AGBL3: variants seen among roughly 807,000 people sequenced by gnomAD.
AGBL3 encodes the protein AGBL carboxypeptidase 3, also known as cytosolic carboxypeptidase 3.
AGBL3 carries 68 observed loss-of-function variants against 94.5 expected under a neutral mutation model. The ratio of observed to expected loss-of-function variants is 0.72; its 90% CI spans 0.59 to 0.88. The LOEUF (loss-of-function observed/expected upper bound fraction) is 0.88. AGBL3 is among the 40% of genes least tolerant of loss of function. The pLI, the probability that AGBL3 is intolerant of heterozygous loss-of-function variation, is 0.00. For missense variants in AGBL3, 934 were observed against 1,103.8 expected, an observed-to-expected ratio of 0.85 and a Z score of 2.18; for synonymous variants, 354 against 370.7, an observed-to-expected ratio of 0.95 and a Z score of 0.52.
At position 134,987,969 on chromosome 7, in the gene AGBL3, C is replaced by G; in HGVS notation, c.36C>G (p.Asp12Glu). 6.5e-7 allele frequency: 1 copy of G among 1,546,562 alleles called. No individual in the cohort carries two copies. Among genetic ancestry groups the G allele is most frequent in the African/African-American group, 1.4e-5 (1 of 72,960 alleles). The part of the protein sequence containing the change: ...SEDSEKEDYS[D>E]RTISDEDESD... ...ATTCAGAAAAGGAAGACTATTCAGA[C>G]AGAACAATCAGTGATGAAGATGAAT... Residue 12 changes from aspartate (D) to glutamate (E), a missense_variant, in exon 2 of 17, where the codon GAC becomes GAG. By Grantham distance (45) the Asp-to-Glu change is conservative. Around this residue, in one of 3 missense-constraint regions of AGBL3, gnomAD observed 488 missense variants for 563.6 expected, o/e 0.87. Coordinates refer to ENST00000436302, the MANE Select transcript of AGBL3 (RefSeq NM_178563.4).
In AGBL3 at chr7:135,034,554, G is replaced by C; in HGVS notation, c.963G>C (p.Lys321Asn). ...SGINNDPVRS[K>N]FCKIRVLCHT... ...TCAATAATGATCCAGTACGGTCAAA[G>C]TTTTGTAAAATACGTGTTTTGTGCC... The change falls in exon 7 of 17, where the codon AAG becomes AAC. Residue 321 changes from lysine (K) to asparagine (N), a missense_variant. Lys to Asn is a moderately conservative substitution (Grantham distance 94). Coordinates refer to ENST00000436302, the MANE Select transcript of AGBL3 (RefSeq NM_178563.4). 6.4e-7 allele frequency: 1 copy of C among 1,551,880 alleles called. No individual in the cohort carries two copies. Among genetic ancestry groups the C allele is most frequent in the Non-Finnish European group, 8.7e-7 (1 of 1,147,014 alleles).
At chr7:135,008,522 A>G (rs1299616011) in intron 4 of AGBL3, among the ~76,000 whole-genome samples, 1 of 152,184 alleles carries the variant, frequency 6.6e-6, no homozygotes, top group Non-Finnish European at 1.5e-5. Flanking sequence ...AGCCTGAACT[A>G]TAAAACCCTT....
intron 8 of AGBL3, among the ~76,000 whole-genome samples, chr7:135,042,732 AG>A (rs1162664545): frequency 1.3e-5 from 2 of 152,150 alleles, no homozygotes; most frequent in Admixed American, 6.6e-5. Context: ...CAACATAGCA[AG>A]ACCCCATTTC....
At chr7:135,023,029 T>C (rs933673631) in intron 5 of AGBL3, among the ~76,000 whole-genome samples, 33 of 152,348 alleles carry the variant, frequency 2.2e-4, no homozygotes, top group Admixed American at 2.0e-3. Flanking sequence ...CTAGGTTTTT[T>C]TGTATGTATC....
chr7:135,078,583 C>A (rs920940997), intron 13 of AGBL3, among the ~76,000 whole-genome samples: 1 of 151,956 alleles, frequency 6.6e-6, no homozygotes, highest in Non-Finnish European at 1.5e-5. Context: ...GTTTTCCTCA[C>A]GTATCCAAGC....
chr7:135,047,434 G>T (rs1381325059), intron 11 of AGBL3, among the ~76,000 whole-genome samples: 1 of 151,952 alleles, frequency 6.6e-6, no homozygotes, highest in East Asian at 1.9e-4. Flanking sequence ...TCTGTTTTTA[G>T]ACTTTCTGAG....
At chr7:135,129,359 CCT>C (rs1263746039) in intron 16 of AGBL3, 16 of 968,760 alleles carry the variant, frequency 1.7e-5, no homozygotes, top group Middle Eastern at 2.7e-4. Flanking sequence ...TAAATGAATA[CCT>C]GCAAGCAGAT....
chr7:135,050,639 T>C (rs891054583), intron 11 of AGBL3, among the ~76,000 whole-genome samples: 1 of 152,030 alleles, frequency 6.6e-6, no homozygotes, highest in African/African-American at 2.4e-5. Context: ...TCCTAGTGGA[T>C]TGACCCTTTT....
At chr7:135,042,867 G>A (rs6467570) in intron 8 of AGBL3, among the ~76,000 whole-genome samples, 74,448 of 151,872 alleles carry the variant, frequency 0.49, 18,586 homozygotes, top group South Asian at 0.66. Flanking sequence ...AGCTATGATC[G>A]CACCACTGCA....
intron 15 of AGBL3, among the ~76,000 whole-genome samples, chr7:135,087,452 G>T (rs564106818): frequency 6.6e-6 from 1 of 151,644 alleles, no homozygotes; most frequent in South Asian, 2.1e-4. Context: ...TCTACTTTTT[G>T]GATATAGGCA....
At chr7:135,046,384 G>A (rs1584934552) in intron 11 of AGBL3, among the ~76,000 whole-genome samples, 2 of 152,128 alleles carry the variant, frequency 1.3e-5, no homozygotes, top group South Asian at 4.1e-4. Context: ...AATTCTGCAG[G>A]TTTTGACAAA....
chr7:134,996,369 A>G (rs1390869620), intron 4 of AGBL3, among the ~76,000 whole-genome samples: 1 of 152,220 alleles, frequency 6.6e-6, no homozygotes, highest in Non-Finnish European at 1.5e-5. Flanking sequence ...GAAAACCATC[A>G]GTAAACAAAC....
At chr7:135,036,165 A>C (rs1816284177) in intron 7 of AGBL3, among the ~76,000 whole-genome samples, 1 of 152,120 alleles carries the variant, frequency 6.6e-6, no homozygotes, top group African/African-American at 2.4e-5. Context: ...TTCCAGATAT[A>C]GCAAATAGTA....
intron 11 of AGBL3, 69 bp downstream of exon 11, chr7:135,045,980 G>T: frequency 9.6e-7 from 1 of 1,046,654 alleles, no homozygotes. Context: ...AATTATACCA[G>T]CATTTTATTG....
Position 135,135,467 on chromosome 7 carries a change from G to A in AGBL3, c.*206G>A, listed in dbSNP as rs1017373019. The A allele has an allele frequency of 1.3e-5, 5 of 386,354 alleles. No individual in the cohort carries two copies. The highest frequency in any genetic ancestry group is 1.8e-5 in the Non-Finnish European group (4 of 221,042). The allele number at this position is 386,354 out of a possible 1,614,324, so 23.9% of individuals were successfully genotyped here. On this transcript the variant is annotated 3_prime_UTR_variant, in exon 17 of 17. Transcript: ENST00000436302. The stretch of plus-strand genomic sequence containing the variant: ...TAAAAAGAAATCCAGAGAAAATATG[G>A]AAAAATATTAAAGCAGATATTTATA...
intron 3 of AGBL3, among the ~76,000 whole-genome samples, chr7:134,989,886 AC>A (rs1280231332): frequency 1.3e-5 from 2 of 152,054 alleles, no homozygotes; most frequent in African/African-American, 4.8e-5. Flanking sequence ...GTTTGAAATA[AC>A]CACCATTCTT....
At chr7:135,086,958 C>A (rs1821383015) in intron 15 of AGBL3, among the ~76,000 whole-genome samples, 1 of 151,982 alleles carries the variant, frequency 6.6e-6, no homozygotes, top group Non-Finnish European at 1.5e-5. Context: ...TAGAATTCTA[C>A]AGTGATGTAA....
At chr7:135,065,685 A>C (rs1263507258) in intron 12 of AGBL3, among the ~76,000 whole-genome samples, 2 of 152,192 alleles carry the variant, frequency 1.3e-5, no homozygotes, top group African/African-American at 4.8e-5. Flanking sequence ...TGAGCTTAGG[A>C]GTTCGAGACC....
chr7:135,128,789 C>A, intron 16 of AGBL3: 1 of 1,226,510 alleles, frequency 8.2e-7, no homozygotes, highest in Non-Finnish European at 1.2e-6. Context: ...ACTTCTGGAT[C>A]TGATACAGAC....
Sources: allele counts gnomAD v4.1 joint callset (sites outside exome capture counted in the v4.1 genomes callset), GRCh38; gene constraint gnomAD v4.1.1; regional missense constraint gnomAD v4.1.1; transcripts MANE v1.5; gene names NCBI Gene and HGNC (gene_info 2026-07-23, HGNC 2026-07-21).